ARID3B: variants seen among roughly 807,000 people sequenced by gnomAD.
ARID3B encodes AT-rich interaction domain 3B, also known as AT-rich interactive domain-containing protein 3B.
ARID3B carries 10 observed loss-of-function variants against 51.9 expected under a neutral mutation model. That is an observed-to-expected ratio of 0.19 (90% CI 0.12 to 0.33). ARID3B has a LOEUF of 0.33. Ranked by LOEUF, ARID3B falls within the 10% of genes least tolerant of loss-of-function variation. The probability of loss-of-function intolerance (pLI) is 1.00; values close to 1 mark genes in which losing one functional copy is unlikely to be tolerated. For missense variants in ARID3B, 483 were observed against 716.3 expected, an observed-to-expected ratio of 0.67 and a Z score of 3.72; for synonymous variants, 205 against 279.5, an observed-to-expected ratio of 0.73 and a Z score of 2.66.
chr15:74,579,872 T>TGTGTGTGCGCGC (rs1488209764), intron 4 of ARID3B, among the ~76,000 whole-genome samples: 7 of 118,934 alleles, frequency 5.9e-5, no homozygotes, highest in African/African-American at 8.5e-5. Context: ...TGTGTGTGTG[T>TGTGTGTGCGCGC]GCGCGCGCGC....
At chr15:74,572,805 G>C in intron 2 of ARID3B, 57 bp from the exon 3 acceptor site, 3 of 1,550,592 alleles carry the variant, frequency 1.9e-6, no homozygotes, top group Non-Finnish European at 2.7e-6. Context: ...CTTGCCCTCT[G>C]TCCTAACTCT....
intron 2 of ARID3B, among the ~76,000 whole-genome samples, chr15:74,568,129 G>T (rs1198114781): frequency 1.3e-5 from 2 of 152,130 alleles, no homozygotes; most frequent in Non-Finnish European, 1.5e-5. Context: ...TCTTATTTCA[G>T]TACCGCCAGA....
chr15:74,560,564 G>A (rs2061676199), intron 2 of ARID3B, among the ~76,000 whole-genome samples: 1 of 152,042 alleles, frequency 6.6e-6, no homozygotes, highest in African/African-American at 2.4e-5. Context: ...TCACATAAGC[G>A]GTATGAATAG....
chr15:74,543,370 A>G (rs1371855992), intron 1 of ARID3B, among the ~76,000 whole-genome samples: 9 of 152,222 alleles, frequency 5.9e-5, no homozygotes, highest in African/African-American at 2.2e-4. Context: ...TGTCTAGCTT[A>G]GAGGTGATAT....
chr15:74,559,635 T>C (rs1457567508), intron 2 of ARID3B, among the ~76,000 whole-genome samples: 2 of 152,138 alleles, frequency 1.3e-5, no homozygotes, highest in African/African-American at 2.4e-5. Context: ...GACTTCTAGC[T>C]CCATATTCCC....
intron 4 of ARID3B, among the ~76,000 whole-genome samples, chr15:74,575,948 G>A (rs149663254): frequency 7.7e-4 from 117 of 152,298 alleles, no homozygotes; most frequent in Non-Finnish European, 2.5e-4. Context: ...CTCAGCTGGA[G>A]TGCAGTGGTG....
At chr15:74,564,127 A>G (rs933022541) in intron 2 of ARID3B, among the ~76,000 whole-genome samples, 4 of 152,216 alleles carry the variant, frequency 2.6e-5, no homozygotes, top group Non-Finnish European at 5.9e-5. Flanking sequence ...TAGTGTTTCC[A>G]AGGCCTGAGC....
intron 2 of ARID3B, among the ~76,000 whole-genome samples, chr15:74,549,433 G>T (rs1054243601): frequency 2.6e-5 from 3 of 114,044 alleles, no homozygotes; most frequent in Non-Finnish European, 5.4e-5. Flanking sequence ...GGGTGTGGTG[G>T]CACACGCCTG....
At chr15:74,575,262 C>T (rs2061733733) in intron 4 of ARID3B, among the ~76,000 whole-genome samples, 1 of 152,092 alleles carries the variant, frequency 6.6e-6, no homozygotes, top group Non-Finnish European at 1.5e-5. Flanking sequence ...TGTTTTTCTC[C>T]CTTCCCTGAA....
chr15:74,585,188 C>CCAGTGACCCACAAAGATCT (rs1308191240), intron 4 of ARID3B, among the ~76,000 whole-genome samples: 1 of 152,256 alleles, frequency 6.6e-6, no homozygotes, highest in African/African-American at 2.4e-5. Flanking sequence ...AGGGCCAACA[C>CCAGTGACCCACAAAGATCT]CAGTGACCCA....
rs1360689173 is a variant in ARID3B, at chr15:74,591,240, G to A, written c.971G>A (p.Arg324Lys). 2 of 1,613,938 alleles carry A rather than the reference G, an allele frequency of 1.2e-6. No homozygotes were observed. Among genetic ancestry groups the A allele is most frequent in the Non-Finnish European group, 1.7e-6 (2 of 1,179,886 alleles). ...CAGGCAGCAATTGATGGCAACCGCA[G>A]GGAGGGCCGGCGGCCCAGCTACAGC... ...ELQAAIDGNR[R>K]EGRRPSYSSS... Residue 324 changes from arginine (R) to lysine (K), a missense_variant, in exon 6 of 9, where the codon AGG becomes AAG. Arg to Lys is a conservative substitution (Grantham distance 26). Transcript: ENST00000346246. This position sits in a 1 kb window ranked among gnomAD's most constrained non-coding sequence, Gnocchi z 5.8.
intron 2 of ARID3B, among the ~76,000 whole-genome samples, chr15:74,545,377 G>A (rs751560522): frequency 2.0e-5 from 3 of 152,228 alleles, no homozygotes; most frequent in Non-Finnish European, 4.4e-5. Flanking sequence ...GTCAAGGAAA[G>A]CTGAAGTGAC....
In ARID3B at chr15:74,590,000, C is replaced by T. The variant is rs747220039; in HGVS notation, c.878C>T (p.Thr293Met). 45 of 1,608,630 alleles carry T rather than the reference C, an allele frequency of 2.8e-5. No homozygotes were observed. Among genetic ancestry groups the T allele is most frequent in the Middle Eastern group, 1.6e-4 (1 of 6,068 alleles). ...ACCAGCGCCGCCTTCACCCTCAGGA[C>T]GCAGTGAGTGGCCAGGGCCTGGGAG... ...SITSAAFTLR[T>M]QYMKYLYAYE... The change falls in exon 5 of 9, where the codon ACG becomes ATG. Residue 293 changes from threonine to methionine, a missense_variant. This residue lies in a region of ARID3B where 36 missense variants were observed against 117.5 expected (regional missense o/e 0.31). Transcript: ENST00000346246.
At chr15:74,570,073 A>G (rs181876015) in intron 2 of ARID3B, among the ~76,000 whole-genome samples, 1 of 152,176 alleles carries the variant, frequency 6.6e-6, no homozygotes, top group East Asian at 1.9e-4. Flanking sequence ...TGCTCTGGCA[A>G]GTCTTCCTGA....
At chr15:74,588,730 G>A (rs2061790905) in intron 4 of ARID3B, among the ~76,000 whole-genome samples, 1 of 151,966 alleles carries the variant, frequency 6.6e-6, no homozygotes, top group East Asian at 1.9e-4. Flanking sequence ...ATATCCCCTG[G>A]TGCTCATTAG....
rs910235077 is a variant in ARID3B at position 74,541,348 on chromosome 15, G to A, written c.-78+18G>A. The A allele has an allele frequency of 2.0e-5, 3 of 152,406 alleles. No homozygotes were observed. The highest frequency in any genetic ancestry group is 1.9e-4 in the East Asian group (1 of 5,200). The allele number at this position is 152,406 out of a possible 1,614,324, so 9.4% of individuals were successfully genotyped here. A position where few individuals can be genotyped will look rare whatever the true frequency, so the allele number is the denominator to read the frequency against. The stretch of plus-strand genomic sequence containing the variant: ...CCGCACAGGTAAGTGGCCCGGGTCC[G>A]GGCTCCCTCAGGCATGGCGGGAGAG... On this transcript the variant is annotated intron_variant, in intron 1 of 8. Coordinates refer to ENST00000346246, the MANE Select transcript of ARID3B (RefSeq NM_006465.4).
intron 4 of ARID3B, among the ~76,000 whole-genome samples, chr15:74,588,404 C>T (rs1238275398): frequency 6.6e-6 from 1 of 151,990 alleles, no homozygotes; most frequent in Non-Finnish European, 1.5e-5. Flanking sequence ...GGAAAGAAGG[C>T]GGATGGAGCA....
chr15:74,579,784 G>A (rs563375096), intron 4 of ARID3B, among the ~76,000 whole-genome samples: 2 of 151,642 alleles, frequency 1.3e-5, no homozygotes, highest in African/African-American at 4.8e-5. Flanking sequence ...AGAAAAGACT[G>A]GTTAGGTTTA....
intron 3 of ARID3B, 97 bp downstream of exon 3, chr15:74,573,030 T>G (rs1207407757): frequency 6.3e-7 from 1 of 1,586,966 alleles, no homozygotes; most frequent in African/African-American, 1.3e-5. Flanking sequence ...AGCCAGTGAG[T>G]TGCATTTGTA....
Sources: gnomAD v4.1 joint callset for allele counts (sites outside exome capture counted in the v4.1 genomes callset) on GRCh38, gnomAD v4.1.1 for gene constraint, gnomAD v4.1.1 regional missense constraint, Gnocchi (gnomAD v3.1) non-coding constraint, MANE v1.5 for transcripts, NCBI Gene and HGNC (gene_info 2026-07-23, HGNC 2026-07-21) for gene names.